Variants in ERBIN observed in about 807,000 individuals in gnomAD.
ERBIN encodes the protein densin-180-like protein.
ERBIN carries 60 observed loss-of-function variants against 158.4 expected under a neutral mutation model. That is an observed-to-expected ratio of 0.38 (90% CI 0.31 to 0.47). The LOEUF (loss-of-function observed/expected upper bound fraction) is 0.47. Among genes scored for constraint, ERBIN ranks in the 20% least tolerant of loss-of-function variants. ERBIN has a pLI of 0.99. For synonymous variants in ERBIN, 594 were observed against 557.2 expected (o/e 1.07, Z -0.93); for missense variants, 1,610 against 1,648.0 (o/e 0.98, Z 0.40).
chr5:65,959,910 G>A (rs1187621807), intron 1 of ERBIN, among the ~76,000 whole-genome samples: 1 of 152,150 alleles, frequency 6.6e-6, no homozygotes, highest in African/African-American at 2.4e-5. Flanking sequence ...AAGGCTTTGC[G>A]TTGGAGTTAA....
At chr5:65,952,376 T>G (rs1280600617) in intron 1 of ERBIN, among the ~76,000 whole-genome samples, 2 of 152,088 alleles carry the variant, frequency 1.3e-5, no homozygotes, top group Non-Finnish European at 2.9e-5. Context: ...AGAGATGGGC[T>G]CTCACTATGC....
rs142415371 is a variant in ERBIN, at chr5:66,054,013, G to A, written c.2695G>A (p.Val899Ile). 8.7e-5 allele frequency: 141 copies of A among 1,613,984 alleles called. No homozygotes were observed. The Middle Eastern group carries it at 1.6e-3, about 19-fold the overall frequency. ...TGGACCTCAGCAGCCAAGTACAACCGTTAAAATCACATCTGCTGTTGATGG... is the reference window on the plus strand; with the variant it reads ...TGGACCTCAGCAGCCAAGTACAACCATTAAAATCACATCTGCTGTTGATGG... The part of the protein sequence containing the change: ...DNGPQQPSTT[V>I]KITSAVDGKN... Residue 899 changes from valine (V) to isoleucine (I), a missense_variant, in exon 21 of 26, where the codon GTT becomes ATT. Transcript: ENST00000284037.
At chr5:66,048,951 G>C (rs1451608482) in intron 19 of ERBIN, among the ~76,000 whole-genome samples, 170 bp downstream of exon 19, 1 of 151,962 alleles carries the variant, frequency 6.6e-6, no homozygotes, top group Admixed American at 6.6e-5. Context: ...TTTAGGGAAA[G>C]TCCTTGATAG....
At chr5:65,978,057 T>G (rs1368927696) in intron 1 of ERBIN, among the ~76,000 whole-genome samples, 1 of 152,232 alleles carries the variant, frequency 6.6e-6, no homozygotes, top group Non-Finnish European at 1.5e-5. Context: ...GCAACAGCTT[T>G]GTGAATATAC....
chr5:65,991,585 A>C (rs1416244925), intron 2 of ERBIN, among the ~76,000 whole-genome samples: 1 of 152,206 alleles, frequency 6.6e-6, no homozygotes, highest in Admixed American at 6.5e-5. Flanking sequence ...GCACAATTCA[A>C]ATTTTTAAAA....
intron 1 of ERBIN, among the ~76,000 whole-genome samples, chr5:65,967,679 T>C (rs916837989): frequency 1.1e-4 from 16 of 152,258 alleles, no homozygotes; most frequent in African/African-American, 3.9e-4. Flanking sequence ...CAATGCACGA[T>C]TGTTTCTTCC....
At chr5:65,987,842 CAA>C (rs60092791) in intron 1 of ERBIN, among the ~76,000 whole-genome samples, 42 of 83,062 alleles carry the variant, frequency 5.1e-4, no homozygotes, top group Admixed American at 8.3e-4. Flanking sequence ...GATACGTCTC[CAA>C]AAAAAAAAAA....
At chr5:65,933,551 C>T (rs1743704243) in intron 1 of ERBIN, among the ~76,000 whole-genome samples, 1 of 152,212 alleles carries the variant, frequency 6.6e-6, no homozygotes, top group African/African-American at 2.4e-5. Context: ...CAGTGTTTTA[C>T]TATGGTTTTG....
intron 7 of ERBIN, among the ~76,000 whole-genome samples, chr5:66,019,053 A>G (rs935163105): frequency 2.6e-5 from 4 of 152,274 alleles, no homozygotes; most frequent in Admixed American, 6.5e-5. Flanking sequence ...ATATCCTTCA[A>G]CTTTACTTAA....
chr5:66,014,397 A>C (rs1296605086), intron 6 of ERBIN, among the ~76,000 whole-genome samples: 2 of 152,184 alleles, frequency 1.3e-5, no homozygotes, highest in African/African-American at 4.8e-5. Flanking sequence ...GGTAAAAGGT[A>C]TGAAATTCTG....
intron 4 of ERBIN, among the ~76,000 whole-genome samples, chr5:65,997,154 TGGCAGGAATA>T (rs1752528120): frequency 6.6e-6 from 1 of 152,214 alleles, no homozygotes; most frequent in African/African-American, 2.4e-5. Flanking sequence ...TGAAAAGAAG[TGGCAGGAATA>T]GGCATCCTTG....
At chr5:65,938,004 A>G (rs887584483) in intron 1 of ERBIN, among the ~76,000 whole-genome samples, 3 of 152,206 alleles carry the variant, frequency 2.0e-5, no homozygotes, top group African/African-American at 7.2e-5. Flanking sequence ...TTACGATAGC[A>G]TATCTCTTTC....
intron 21 of ERBIN, among the ~76,000 whole-genome samples, chr5:66,067,759 T>C (rs1761138410): frequency 6.6e-6 from 1 of 152,116 alleles, no homozygotes; most frequent in Non-Finnish European, 1.5e-5. Context: ...AGCAGGAGCA[T>C]TTTAAAAGTT....
intron 1 of ERBIN, among the ~76,000 whole-genome samples, chr5:65,935,656 A>C (rs1371206405): frequency 6.6e-6 from 1 of 152,218 alleles, no homozygotes; most frequent in Non-Finnish European, 1.5e-5. Context: ...TTTACATTGG[A>C]CAAGTTATTT....
Position 66,054,664 on chromosome 5 carries a change from A to T in ERBIN, c.3346A>T (p.Thr1116Ser), listed in dbSNP as rs1326539133. 2.5e-6 allele frequency: 4 copies of T among 1,613,824 alleles called. No homozygotes were observed. The highest frequency in any genetic ancestry group is 3.4e-6 in the Non-Finnish European group (4 of 1,179,944). The change falls in exon 21 of 26, where the codon ACT becomes TCT. Residue 1116 changes from threonine to serine, a missense_variant. Thr to Ser is a moderately conservative substitution (Grantham distance 58). Around this residue, in one of 2 missense-constraint regions of ERBIN, gnomAD observed 1,014 missense variants for 936.1 expected, o/e 1.08. Transcript: ENST00000284037. ...SYREFHSAGR[T>S]PPMMPGSQRP... ...CAGAGAGTTCCACTCAGCGGGAAGA[A>T]CTCCTCCAATGATGCCAGGATCACA...
chr5:65,974,524 CCTGTTAT>C lies in ERBIN; in HGVS notation c.-57-14108_-57-14102del, dbSNP rs373262781. Among the ~76,000 whole-genome samples, 950 of 152,234 alleles carry C rather than the reference CCTGTTAT, an allele frequency of 6.2e-3. 12 individuals carry two copies. Among genetic ancestry groups the C allele is most frequent in the African/African-American group, 0.022 (910 of 41,542 alleles). ...TTGGGAGGTTTAAGTAGATTGATAC[CCTGTTAT>C]CTTTAGGGATGACATTGATAGTTAC... On this transcript the variant is annotated intron_variant, in intron 1 of 25. Coordinates refer to ENST00000284037, the MANE Select transcript of ERBIN (RefSeq NM_001253697.2).
chr5:66,060,922 C>A (rs895689150), intron 21 of ERBIN, among the ~76,000 whole-genome samples: 1 of 152,166 alleles, frequency 6.6e-6, no homozygotes, highest in Non-Finnish European at 1.5e-5. Context: ...GTTATAATTT[C>A]TGTTCTTTTA....
intron 1 of ERBIN, among the ~76,000 whole-genome samples, chr5:65,965,382 GTTTTTTTTTTTTTTTTT>G (rs200847060): frequency 2.3e-4 from 22 of 96,054 alleles, no homozygotes; most frequent in African/African-American, 6.1e-4. Context: ...GTTTTTTGTT[GTTTTTTTTTTTTTTTTT>G]TTTTTTTTTT....
At chr5:65,944,223 TTTA>T (rs35937794) in intron 1 of ERBIN, among the ~76,000 whole-genome samples, 102,894 of 136,414 alleles carry the variant, frequency 0.75, 39,105 homozygotes, top group Non-Finnish European at 0.84. Flanking sequence ...TTTTTTTTTT[TTTA>T]AGGAACCACC....
Sources: allele counts gnomAD v4.1 joint callset (sites outside exome capture counted in the v4.1 genomes callset), GRCh38; gene constraint gnomAD v4.1.1; regional missense constraint gnomAD v4.1.1; transcripts MANE v1.5; gene names NCBI Gene and HGNC (gene_info 2026-07-23, HGNC 2026-07-21).